The following B3GAT2 variants were observed in gnomAD, a reference collection of about 807,000 sequenced individuals.
B3GAT2 encodes beta-1,3-glucuronyltransferase 2.
A neutral mutation model predicts 27.8 loss-of-function variants in B3GAT2; 26 were observed. That is an observed-to-expected ratio of 0.93 (90% CI 0.68 to 1.30). The LOEUF is 1.30. Among genes scored for constraint, B3GAT2 ranks in the 50% most tolerant of loss-of-function variants. B3GAT2 has a pLI of 0.00. For missense variants in B3GAT2, 458 were observed against 459.0 expected (o/e 1.00, Z 0.02); for synonymous variants, 218 against 195.1 (o/e 1.12, Z -0.98).
intron 1 of B3GAT2, among the ~76,000 whole-genome samples, chr6:70,950,590 A>G (rs1765564573): frequency 1.3e-5 from 2 of 152,190 alleles, no homozygotes; most frequent in South Asian, 4.1e-4. Context: ...GCTACATGAC[A>G]TTTTCAAGTT....
chr6:70,870,887 G>A (rs1022959414), intron 2 of B3GAT2, among the ~76,000 whole-genome samples: 1 of 152,072 alleles, frequency 6.6e-6, no homozygotes, highest in African/African-American at 2.4e-5. Flanking sequence ...TCATAGATAT[G>A]CTTTATCAAA....
rs371411394 is a variant in B3GAT2, at chr6:70,956,451, C to T, written c.-22G>A. 4.7e-4 allele frequency: 734 copies of T among 1,550,358 alleles called. 4 individuals carry two copies. Among genetic ancestry groups the T allele is most frequent in the Admixed American group, 2.5e-4 (13 of 50,992 alleles). On this transcript the variant is annotated 5_prime_UTR_variant, in exon 1 of 4. Transcript: ENST00000230053. ...TCATGGTGCACGCTCCCTGGCCTCT[C>T]GGACACCCCAGAGAGGGGCGAGCCG... is the stretch of plus-strand genomic sequence containing the variant.
At chr6:70,918,501 A>G (rs1447963741) in intron 1 of B3GAT2, among the ~76,000 whole-genome samples, 1 of 152,154 alleles carries the variant, frequency 6.6e-6, no homozygotes, top group Non-Finnish European at 1.5e-5. Flanking sequence ...GATGGTCTTT[A>G]CAATTTGTCA....
chr6:70,935,129 GA>G (rs989368206), intron 1 of B3GAT2, among the ~76,000 whole-genome samples: 95 of 147,190 alleles, frequency 6.5e-4, no homozygotes, highest in African/African-American at 1.3e-3. Context: ...AATGAAGATA[GA>G]AAAAAAAAAG....
intron 2 of B3GAT2, among the ~76,000 whole-genome samples, chr6:70,864,289 C>T (rs992597638): frequency 2.0e-5 from 3 of 152,264 alleles, no homozygotes; most frequent in East Asian, 1.9e-4. Flanking sequence ...TTAACCATCA[C>T]GACCACTGAA....
In B3GAT2 at chr6:70,948,212, T is replaced by A. The variant is rs1320517633; in HGVS notation, c.591+7627A>T. On this transcript the variant is annotated intron_variant, in intron 1 of 3. Transcript: ENST00000230053. Reference sequence around the variant, plus strand: ...CTCTCACCACCCCTATTCAACATAGTGTTGGAAGTTCTGGCCAGGGTAATT... The same window carrying A: ...CTCTCACCACCCCTATTCAACATAGAGTTGGAAGTTCTGGCCAGGGTAATT... 2.1e-5 allele frequency among the ~76,000 whole-genome samples: 3 copies of A among 145,730 alleles called. No individual in the cohort carries two copies. The East Asian group carries it at 6.0e-4, about 29-fold the overall frequency.
At chr6:70,908,749 T>C (rs1282047905) in intron 1 of B3GAT2, among the ~76,000 whole-genome samples, 5 of 152,146 alleles carry the variant, frequency 3.3e-5, no homozygotes, top group Non-Finnish European at 5.9e-5. Context: ...GAAACTTGCA[T>C]AGAATTATAT....
chr6:70,937,263 G>C (rs1765304094), intron 1 of B3GAT2, among the ~76,000 whole-genome samples: 2 of 151,434 alleles, frequency 1.3e-5, no homozygotes, highest in Non-Finnish European at 1.5e-5. Flanking sequence ...ATAATCAATA[G>C]CTTACCAACC....
intron 1 of B3GAT2, among the ~76,000 whole-genome samples, chr6:70,929,008 C>A (rs1773012426): frequency 6.6e-6 from 1 of 152,170 alleles, no homozygotes. Flanking sequence ...GGCACATATA[C>A]ACCATGGAAT....
chr6:70,870,037 C>T (rs1479955673), intron 2 of B3GAT2, among the ~76,000 whole-genome samples: 1 of 152,128 alleles, frequency 6.6e-6, no homozygotes, highest in Non-Finnish European at 1.5e-5. Flanking sequence ...CATCCCATTA[C>T]TGGGTATATA....
Position 70,859,387 on chromosome 6 carries a change from T to A in B3GAT2, c.*2276A>T, listed in dbSNP as rs576516. Reference sequence around the variant, plus strand: ...TCCATCAGTGCAATCTACTGGCCAATGACAAGGTGGTTAAAATGTCCTTTA... The same window carrying A: ...TCCATCAGTGCAATCTACTGGCCAAAGACAAGGTGGTTAAAATGTCCTTTA... On this transcript the variant is annotated 3_prime_UTR_variant, in exon 4 of 4. Coordinates refer to ENST00000230053, the MANE Select transcript of B3GAT2 (RefSeq NM_080742.3). The A allele has an allele frequency of 1.9e-6, 3 of 1,548,314 alleles. No homozygotes were observed. Among genetic ancestry groups the A allele is most frequent in the African/African-American group, 1.4e-5 (1 of 73,002 alleles).
chr6:70,914,014 C>T (rs2150039536), intron 1 of B3GAT2, among the ~76,000 whole-genome samples: 1 of 152,190 alleles, frequency 6.6e-6, no homozygotes, highest in Non-Finnish European at 1.5e-5. Context: ...AATAGTAACT[C>T]CTGTTTTCTT....
At chr6:70,872,737 A>G (rs1771957839) in intron 2 of B3GAT2, among the ~76,000 whole-genome samples, 1 of 151,844 alleles carries the variant, frequency 6.6e-6, no homozygotes, top group Non-Finnish European at 1.5e-5. Flanking sequence ...TTTGTTTTCT[A>G]CATGTCTAAT....
intron 1 of B3GAT2, among the ~76,000 whole-genome samples, chr6:70,926,372 T>A (rs1772958093): frequency 6.6e-6 from 1 of 152,174 alleles, no homozygotes; most frequent in Non-Finnish European, 1.5e-5. Flanking sequence ...AATAACAAAC[T>A]TCTCCGAGCT....
At chr6:70,899,225 T>C (rs1209914814) in intron 1 of B3GAT2, among the ~76,000 whole-genome samples, 1 of 152,218 alleles carries the variant, frequency 6.6e-6, no homozygotes, top group East Asian at 1.9e-4. Flanking sequence ...CAATTAAATA[T>C]GGCCACAGAA....
chr6:70,881,257 T>C (rs1171421328), intron 2 of B3GAT2, among the ~76,000 whole-genome samples: 1 of 152,224 alleles, frequency 6.6e-6, no homozygotes, highest in Non-Finnish European at 1.5e-5. Context: ...TGCTCTCCAA[T>C]GACTCTTTCC....
At position 70,859,451 on chromosome 6, in the gene B3GAT2, T is replaced by C. The variant is rs896325941; in HGVS notation, c.*2212A>G. 2.1e-5 allele frequency: 28 copies of C among 1,342,420 alleles called. No homozygotes were observed. In the Admixed American group the frequency reaches 4.1e-4, roughly 20 times the overall value. The allele number at this position is 1,342,420 out of a possible 1,614,324, so 83.2% of individuals were successfully genotyped here. A position where few individuals can be genotyped will look rare whatever the true frequency, so the allele number is the denominator to read the frequency against. ...CGTGATCTGCTTCTTCAGACACTTA[T>C]GCCTGATTAGTGATGTAGTTTATGT... On this transcript the variant is annotated 3_prime_UTR_variant, in exon 4 of 4. Coordinates refer to ENST00000230053, the MANE Select transcript of B3GAT2 (RefSeq NM_080742.3).
At chr6:70,915,740 C>T (rs1482206354) in intron 1 of B3GAT2, among the ~76,000 whole-genome samples, 1 of 152,156 alleles carries the variant, frequency 6.6e-6, no homozygotes, top group African/African-American at 2.4e-5. Context: ...TCTGAGGCCT[C>T]TGTTCTATTC....
chr6:70,915,263 T>C (rs1183869258), intron 1 of B3GAT2, among the ~76,000 whole-genome samples: 3 of 152,188 alleles, frequency 2.0e-5, no homozygotes, highest in African/African-American at 4.8e-5. Flanking sequence ...GTTTTTTTTT[T>C]CTTGTAAATT....
Sources: gnomAD v4.1 joint callset for allele counts (sites outside exome capture counted in the v4.1 genomes callset) on GRCh38, gnomAD v4.1.1 for gene constraint, MANE v1.5 for transcripts, NCBI Gene and HGNC (gene_info 2026-07-23, HGNC 2026-07-21) for gene names.